Variants in UBE2D1 observed in about 807,000 individuals in gnomAD.
UBE2D1 encodes ubiquitin-conjugating enzyme E2 D1.
In UBE2D1, 9 loss-of-function variants were observed where a neutral mutation model predicts 24.6. That is an observed-to-expected ratio of 0.37 (90% CI 0.22 to 0.64). The LOEUF (loss-of-function observed/expected upper bound fraction) is 0.64, where lower values mean the gene tolerates loss of function less well. Among genes scored for constraint, UBE2D1 ranks in the 30% least tolerant of loss-of-function variants. UBE2D1 has a pLI of 0.64. For missense variants in UBE2D1, 87 were observed against 177.1 expected, an observed-to-expected ratio of 0.49 and a Z score of 2.89; for synonymous variants, 57 against 57.6, an observed-to-expected ratio of 0.99 and a Z score of 0.04.
intron 4 of UBE2D1, among the ~76,000 whole-genome samples, chr10:58,364,200 T>A (rs1431126761): frequency 6.6e-6 from 1 of 152,106 alleles, no homozygotes; most frequent in Non-Finnish European, 1.5e-5. Flanking sequence ...GATGGGGATA[T>A]CAGGGAGGGG....
chr10:58,355,047 A>G (rs1187816618), intron 1 of UBE2D1, among the ~76,000 whole-genome samples: 2 of 152,238 alleles, frequency 1.3e-5, no homozygotes, highest in Admixed American at 6.5e-5. Context: ...ACATATGCTT[A>G]TGCATTAATC....
intron 1 of UBE2D1, among the ~76,000 whole-genome samples, chr10:58,360,755 A>G (rs1840186671): frequency 6.6e-6 from 1 of 152,142 alleles, no homozygotes; most frequent in Admixed American, 6.5e-5. Flanking sequence ...CCCCATCTCT[A>G]CAAATAAAAT....
At position 58,370,663 on chromosome 10, in the gene UBE2D1, C is replaced by CA. The variant is rs11336978; in HGVS notation, c.*1910dup. The CA allele has an allele frequency of 0.017, 2,463 of 144,692 alleles. 32 individuals carry two copies. Among genetic ancestry groups the CA allele is most frequent in the African/African-American group, 0.035 (1,414 of 39,926 alleles). The allele number at this position is 144,692 out of a possible 1,614,324, so 9.0% of individuals were successfully genotyped here. ...GTTTCTTGAATATCTTCACTTTAAA[C>CA]AAAAAAAAAAAACAACTTTCATTTG... On this transcript the variant is annotated 3_prime_UTR_variant, in exon 7 of 7. Coordinates refer to ENST00000373910, the MANE Select transcript of UBE2D1 (RefSeq NM_003338.5).
intron 1 of UBE2D1, among the ~76,000 whole-genome samples, chr10:58,352,542 A>T (rs1250155369): frequency 6.6e-6 from 1 of 152,012 alleles, no homozygotes; most frequent in Non-Finnish European, 1.5e-5. Flanking sequence ...TGAGCGCAGG[A>T]GTTTGAGTCC....
chr10:58,350,175 G>A (rs1840057695), intron 1 of UBE2D1, among the ~76,000 whole-genome samples: 1 of 152,164 alleles, frequency 6.6e-6, no homozygotes, highest in South Asian at 2.1e-4. Flanking sequence ...GAAATGCTAG[G>A]TCATAGAGTA....
chr10:58,369,749 A>T lies in UBE2D1; in HGVS notation c.*984A>T, dbSNP rs982381237. On this transcript the variant is annotated 3_prime_UTR_variant, in exon 7 of 7. Coordinates refer to ENST00000373910, the MANE Select transcript of UBE2D1 (RefSeq NM_003338.5). ...ATAAATTTTATTGTTTTAGGTTAGT[A>T]TCTCTTTACTAAATTGTCAGTCTAT... 1 of 152,052 alleles carries T rather than the reference A, an allele frequency of 6.6e-6. No homozygotes were observed. The highest frequency in any genetic ancestry group is 1.5e-5 in the Non-Finnish European group (1 of 67,836). 9.4% of individuals were successfully genotyped at this position (152,052 alleles called of 1,614,324 possible).
intron 1 of UBE2D1, among the ~76,000 whole-genome samples, chr10:58,356,179 A>C (rs570520198): frequency 3.7e-4 from 56 of 152,262 alleles, no homozygotes; most frequent in Non-Finnish European, 3.2e-4. Flanking sequence ...AAAGTTACAA[A>C]AGTATTATAA....
At position 58,347,181 on chromosome 10, in the gene UBE2D1, G is replaced by T. The variant is rs1453932890; in HGVS notation, c.24+11956G>T. ...GGACCTCAGCTGTCCTATTTGATGG[G>T]CCTTCTGGGACCCTTTCAGAGGGAG... On this transcript the variant is annotated intron_variant, in intron 1 of 6. Transcript: ENST00000373910. Among the ~76,000 whole-genome samples the T allele has an allele frequency of 4.6e-5, 7 of 152,278 alleles. No individual in the cohort carries two copies. The South Asian group carries it at 6.2e-4, about 14-fold the overall frequency.
At chr10:58,337,151 AT>A (rs1374274679) in intron 1 of UBE2D1, among the ~76,000 whole-genome samples, 17 of 149,832 alleles carry the variant, frequency 1.1e-4, no homozygotes, top group Admixed American at 7.3e-4. Flanking sequence ...AAAAAAAAAA[AT>A]TACTTACATA....
At chr10:58,346,312 G>A (rs548061274) in intron 1 of UBE2D1, among the ~76,000 whole-genome samples, 1 of 151,906 alleles carries the variant, frequency 6.6e-6, no homozygotes, top group Non-Finnish European at 1.5e-5. Flanking sequence ...ATACCCGGCC[G>A]GAATGAACAC....
chr10:58,358,822 C>CCAAT (rs1840161286), intron 1 of UBE2D1, among the ~76,000 whole-genome samples: 1 of 150,090 alleles, frequency 6.7e-6, no homozygotes, highest in African/African-American at 2.4e-5. Context: ...GTGCAGAGGC[C>CCAAT]CAATCATAGT....
chr10:58,349,243 C>A (rs1051791781), intron 1 of UBE2D1, among the ~76,000 whole-genome samples: 1 of 152,006 alleles, frequency 6.6e-6, no homozygotes, highest in African/African-American at 2.4e-5. Flanking sequence ...TTAGATACTT[C>A]TAGCTAGTTT....
chr10:58,354,646 A>G (rs1436811588), intron 1 of UBE2D1, among the ~76,000 whole-genome samples: 2 of 151,986 alleles, frequency 1.3e-5, no homozygotes, highest in Non-Finnish European at 2.9e-5. Flanking sequence ...AGCCTGGCCA[A>G]TATATAGTGA....
At chr10:58,340,746 T>C (rs1839953453) in intron 1 of UBE2D1, among the ~76,000 whole-genome samples, 1 of 152,196 alleles carries the variant, frequency 6.6e-6, no homozygotes, top group Non-Finnish European at 1.5e-5. Context: ...AATTTCCTAG[T>C]AGCCACGTTT....
intron 1 of UBE2D1, among the ~76,000 whole-genome samples, chr10:58,359,134 C>T (rs1840166721): frequency 6.6e-6 from 1 of 151,936 alleles, no homozygotes; most frequent in South Asian, 2.1e-4. Flanking sequence ...TCATTTATCA[C>T]TTTCTTAGGA....
intron 3 of UBE2D1, among the ~76,000 whole-genome samples, chr10:58,363,017 G>A (rs1224816088): frequency 1.3e-5 from 2 of 151,962 alleles, no homozygotes; most frequent in Non-Finnish European, 2.9e-5. Flanking sequence ...TTTGATAGTA[G>A]CATGAATATA....
intron 1 of UBE2D1, 107 bp from the exon 2 acceptor site, chr10:58,361,231 C>A: frequency 8.9e-7 from 1 of 1,121,090 alleles, no homozygotes; most frequent in African/African-American, 1.6e-5. Flanking sequence ...TTGAATAGAA[C>A]TGCTTTAAAT....
intron 1 of UBE2D1, among the ~76,000 whole-genome samples, chr10:58,344,873 T>C (rs1345517700): frequency 1.4e-4 from 21 of 151,776 alleles, no homozygotes; most frequent in Admixed American, 1.2e-3. Flanking sequence ...TTTTGTTTTT[T>C]TTTTTTTTAA....
At chr10:58,359,332 G>C (rs1486647862) in intron 1 of UBE2D1, among the ~76,000 whole-genome samples, 1 of 151,916 alleles carries the variant, frequency 6.6e-6, no homozygotes, top group African/African-American at 2.4e-5. Flanking sequence ...CTTAATTATT[G>C]GTACTTAAAA....
Sources: gnomAD v4.1 joint callset for allele counts (sites outside exome capture counted in the v4.1 genomes callset) on GRCh38, gnomAD v4.1.1 for gene constraint, MANE v1.5 for transcripts, NCBI Gene and HGNC (gene_info 2026-07-23, HGNC 2026-07-21) for gene names.